Variants in IGSF11 observed in about 807,000 individuals in gnomAD.
IGSF11 encodes CXADR like 1.
In IGSF11, 22 loss-of-function variants were observed where a neutral mutation model predicts 41.0. The observed-to-expected ratio is 0.54, with a 90% CI of 0.38 to 0.77. The LOEUF is 0.77. IGSF11 is among the 30% of genes least tolerant of loss of function. The pLI, the probability that IGSF11 is intolerant of heterozygous loss-of-function variation, is 0.00. For synonymous variants in IGSF11, 219 were observed against 201.3 expected (o/e 1.09, Z -0.74); for missense variants, 444 against 530.8 (o/e 0.84, Z 1.61).
chr3:119,123,074 G>C (rs945993466), intron 1 of IGSF11, among the ~76,000 whole-genome samples: 1 of 152,144 alleles, frequency 6.6e-6, no homozygotes, highest in Non-Finnish European at 1.5e-5. Context: ...CTTGGTTCTT[G>C]GATGGCATTT....
intron 1 of IGSF11, among the ~76,000 whole-genome samples, chr3:119,131,772 A>C (rs1426364984): frequency 1.3e-5 from 2 of 152,202 alleles, no homozygotes; most frequent in Admixed American, 1.3e-4. Context: ...GGTTGAAATG[A>C]AGGGAAAAAG....
At chr3:118,958,333 T>C (rs1300510495) in intron 1 of IGSF11, among the ~76,000 whole-genome samples, 2 of 152,228 alleles carry the variant, frequency 1.3e-5, no homozygotes, top group Admixed American at 1.3e-4. Context: ...GAAACCATTG[T>C]TATTACCATT....
chr3:119,108,612 C>A (rs1311920576), upstream of IGSF11, among the ~76,000 whole-genome samples: 1 of 127,982 alleles, frequency 7.8e-6, no homozygotes, highest in African/African-American at 2.8e-5. Flanking sequence ...CTGGCCAGAA[C>A]TTCCAACACT....
chr3:118,904,486 A>G (rs1395220308), intron 6 of IGSF11, among the ~76,000 whole-genome samples, 162 bp downstream of exon 6: 1 of 152,218 alleles, frequency 6.6e-6, no homozygotes, highest in Non-Finnish European at 1.5e-5. Context: ...AAAGCTGAGT[A>G]GTACCATGAA....
At chr3:119,141,252 T>C (rs35099410) in intron 1 of IGSF11, among the ~76,000 whole-genome samples, 20,125 of 151,494 alleles carry the variant, frequency 0.13, 1,387 homozygotes, top group East Asian at 0.23. Flanking sequence ...CTAAAACTTA[T>C]GGGATACAGG....
intron 4 of IGSF11, among the ~76,000 whole-genome samples, chr3:118,918,891 G>T (rs1427872102): frequency 1.9e-3 from 190 of 102,222 alleles, no homozygotes; most frequent in Admixed American, 5.6e-3. Flanking sequence ...AAACAGCATG[G>T]TACTGGTACC....
chr3:118,931,681 A>G (rs1055670251), intron 1 of IGSF11, among the ~76,000 whole-genome samples: 1 of 152,042 alleles, frequency 6.6e-6, no homozygotes, highest in Non-Finnish European at 1.5e-5. Flanking sequence ...CTTTTTAGTG[A>G]TGGAAAACTA....
intron 1 of IGSF11, among the ~76,000 whole-genome samples, chr3:119,117,236 AG>A (rs35314364): frequency 6.6e-6 from 1 of 151,556 alleles, no homozygotes; most frequent in African/African-American, 2.4e-5. Flanking sequence ...AAGATGGGGG[AG>A]GGGGTTGTAT....
chr3:118,946,204 G>GCA (rs148772016), intron 1 of IGSF11, among the ~76,000 whole-genome samples: 7,778 of 140,642 alleles, frequency 0.055, 534 homozygotes, highest in African/African-American at 0.17. Context: ...ACACACACAC[G>GCA]CACACACACA....
chr3:119,112,405 G>A (rs773222090), intron 1 of IGSF11, among the ~76,000 whole-genome samples: 9 of 152,152 alleles, frequency 5.9e-5, no homozygotes, highest in Admixed American at 1.3e-4. Flanking sequence ...AGCCATGTGC[G>A]GGATATAATC....
At chr3:118,943,965 T>C (rs1943913127) in intron 1 of IGSF11, among the ~76,000 whole-genome samples, 1 of 152,240 alleles carries the variant, frequency 6.6e-6, no homozygotes, top group African/African-American at 2.4e-5. Flanking sequence ...TAAAGCCATC[T>C]GAAACCATCA....
At chr3:119,114,838 G>A (rs746116034) in intron 1 of IGSF11, among the ~76,000 whole-genome samples, 1 of 152,174 alleles carries the variant, frequency 6.6e-6, no homozygotes, top group African/African-American at 2.4e-5. Flanking sequence ...CTAACACTGG[G>A]TAATTTATAG....
intron 1 of IGSF11, among the ~76,000 whole-genome samples, chr3:119,134,460 C>T (rs1370848583): frequency 6.6e-6 from 1 of 152,140 alleles, no homozygotes; most frequent in African/African-American, 2.4e-5. Context: ...AACTCCCACT[C>T]ACAATTGCTA....
intron 1 of IGSF11, among the ~76,000 whole-genome samples, chr3:119,113,177 A>C (rs780770638): frequency 6.2e-4 from 94 of 152,136 alleles, no homozygotes; most frequent in Admixed American, 1.2e-3. Context: ...GAAATACAAA[A>C]CATATCATTC....
intron 1 of IGSF11, among the ~76,000 whole-genome samples, chr3:119,023,259 T>C (rs1235805658): frequency 1.9e-5 from 1 of 52,710 alleles, no homozygotes; most frequent in East Asian, 5.5e-4. Flanking sequence ...CGAGACTCCG[T>C]CTCAAAAAAA....
chr3:119,012,333 C>A (rs1404016996), intron 1 of IGSF11, among the ~76,000 whole-genome samples: 2 of 152,188 alleles, frequency 1.3e-5, no homozygotes, highest in African/African-American at 2.4e-5. Flanking sequence ...TATTTCCAAA[C>A]CTTTCGTGAG....
intron 1 of IGSF11, among the ~76,000 whole-genome samples, chr3:118,962,939 C>T (rs1945440636): frequency 6.6e-6 from 1 of 152,058 alleles, no homozygotes; most frequent in African/African-American, 2.4e-5. Context: ...GCCTGCAAGC[C>T]AATAACACTA....
chr3:118,939,079 A>G (rs1349643524), intron 1 of IGSF11, among the ~76,000 whole-genome samples: 3 of 152,246 alleles, frequency 2.0e-5, no homozygotes, highest in African/African-American at 7.2e-5. Flanking sequence ...CTTAACATAA[A>G]TGAAAACTTT....
chr3:118,959,338 G>T (rs1945174232), intron 1 of IGSF11, among the ~76,000 whole-genome samples: 3 of 152,192 alleles, frequency 2.0e-5, no homozygotes, highest in Admixed American at 2.0e-4. Context: ...ACATGGCTTG[G>T]CTCAAAAGGG....
Sources: allele counts gnomAD v4.1 joint callset (sites outside exome capture counted in the v4.1 genomes callset), GRCh38; gene constraint gnomAD v4.1.1; transcripts MANE v1.5; gene names NCBI Gene and HGNC (gene_info 2026-07-23, HGNC 2026-07-21).